SPIDR: variants seen among roughly 807,000 people sequenced by gnomAD.
The protein encoded by SPIDR is scaffold protein involved in DNA repair.
A neutral mutation model predicts 104.6 loss-of-function variants in SPIDR; 93 were observed. The observed-to-expected ratio is 0.89, with a 90% confidence interval of 0.75 to 1.06. SPIDR has a LOEUF of 1.06. Among genes scored for constraint, SPIDR ranks in the 50% least tolerant of loss-of-function variants. The probability of loss-of-function intolerance (pLI) is 0.00; values close to 1 mark genes in which losing one functional copy is unlikely to be tolerated. For missense variants in SPIDR, 1,154 were observed against 1,111.2 expected, an observed-to-expected ratio of 1.04 and a Z score of -0.55; for synonymous variants, 431 against 416.9, an observed-to-expected ratio of 1.03 and a Z score of -0.41.
chr8:47,583,941 T>C (rs1168809995), intron 8 of SPIDR, among the ~76,000 whole-genome samples: 1 of 152,228 alleles, frequency 6.6e-6, no homozygotes, highest in Non-Finnish European at 1.5e-5. Context: ...CTTAGCAGCC[T>C]TGTTGTCCTG....
At chr8:47,591,221 T>G (rs550158046) in intron 8 of SPIDR, among the ~76,000 whole-genome samples, 113 of 151,322 alleles carry the variant, frequency 7.5e-4, no homozygotes, top group South Asian at 3.7e-3. Flanking sequence ...TGTTTTATTT[T>G]TCCTGGTTTC....
chr8:47,404,498 T>G (rs1193502008), intron 6 of SPIDR, among the ~76,000 whole-genome samples: 1 of 151,994 alleles, frequency 6.6e-6, no homozygotes, highest in Admixed American at 6.6e-5. Flanking sequence ...TTAAACAAAT[T>G]TACAAGAAAG....
chr8:47,671,129 C>T (rs1589043855), intron 10 of SPIDR, among the ~76,000 whole-genome samples: 1 of 152,076 alleles, frequency 6.6e-6, no homozygotes. Context: ...AGGCTAATCT[C>T]GAACTCCTAG....
At chr8:47,641,467 C>A (rs1039049451) in intron 10 of SPIDR, among the ~76,000 whole-genome samples, 3 of 152,136 alleles carry the variant, frequency 2.0e-5, no homozygotes, top group Non-Finnish European at 2.9e-5. Flanking sequence ...AGATTCAATT[C>A]GATGCATTTA....
At chr8:47,295,187 ACTTT>A (rs1206971594) in intron 5 of SPIDR, among the ~76,000 whole-genome samples, 6 of 152,134 alleles carry the variant, frequency 3.9e-5, no homozygotes, top group African/African-American at 1.4e-4. Context: ...AACATGACAT[ACTTT>A]CTTCTATATT....
intron 11 of SPIDR, among the ~76,000 whole-genome samples, chr8:47,684,943 C>T (rs1039313195): frequency 1.6e-4 from 24 of 152,096 alleles, no homozygotes; most frequent in African/African-American, 4.3e-4. Context: ...CCAAATGGGC[C>T]GGGCGCCCAT....
intron 8 of SPIDR, among the ~76,000 whole-genome samples, chr8:47,567,770 TTTTC>T (rs1207636996): frequency 7.0e-6 from 1 of 142,882 alleles, no homozygotes; most frequent in Non-Finnish European, 1.5e-5. Flanking sequence ...TTTTCTTTTC[TTTTC>T]TTTTTCTTTT....
At position 47,673,910 on chromosome 8, in the gene SPIDR, A is replaced by G. The variant is rs2076099777; in HGVS notation, c.1654A>G (p.Met552Val). Residue 552 changes from methionine to valine, a missense_variant, in exon 11 of 20, where the codon ATG (methionine) becomes GTG (valine). Coordinates refer to ENST00000297423, the MANE Select transcript of SPIDR (RefSeq NM_001080394.4). ...AGGGAAGTCTTGCAGCCTGGTGGGA[A>G]TGAAGGTTCTACAGAAAGTCACCAG... ...LEGKSCSLVG[M>V]KVLQKVTRGR... 6.2e-7 allele frequency: 1 copy of G among 1,613,970 alleles called. No homozygotes were observed. The highest frequency in any genetic ancestry group is 1.3e-5 in the African/African-American group (1 of 74,932).
intron 10 of SPIDR, 157 bp from the exon 11 acceptor site, chr8:47,673,644 T>G (rs1433913432): frequency 1.0e-6 from 1 of 985,994 alleles, no homozygotes; most frequent in African/African-American, 1.6e-5. Flanking sequence ...GTGGATTTCT[T>G]TTTTTTTTCC....
chr8:47,681,461 A>C (rs933240655), intron 11 of SPIDR, among the ~76,000 whole-genome samples: 8 of 152,176 alleles, frequency 5.3e-5, no homozygotes, highest in African/African-American at 1.4e-4. Context: ...TAGGAAGATG[A>C]AGTCTGTTTT....
At chr8:47,347,826 T>G (rs2154279292) in intron 5 of SPIDR, among the ~76,000 whole-genome samples, 1 of 152,340 alleles carries the variant, frequency 6.6e-6, no homozygotes, top group East Asian at 1.9e-4. Flanking sequence ...GTTCCTTTGT[T>G]TTGAGCCTAT....
chr8:47,555,793 C>G (rs2091254403), intron 8 of SPIDR, among the ~76,000 whole-genome samples: 1 of 152,164 alleles, frequency 6.6e-6, no homozygotes, highest in South Asian at 2.1e-4. Flanking sequence ...AATGTGAGTT[C>G]TTACTCCATC....
intron 1 of SPIDR, among the ~76,000 whole-genome samples, chr8:47,273,580 T>C (rs1185238438): frequency 3.5e-5 from 5 of 143,340 alleles, no homozygotes; most frequent in Admixed American, 2.8e-4. Flanking sequence ...TAAAGAGTTG[T>C]TTTTTTTTTT....
chr8:47,426,969 TAGAAG>T (rs549887791), intron 7 of SPIDR, among the ~76,000 whole-genome samples: 1 of 152,284 alleles, frequency 6.6e-6, no homozygotes, highest in African/African-American at 2.4e-5. Context: ...TTTGAAGAAT[TAGAAG>T]AGAGAAAGAA....
At chr8:47,358,838 A>G (rs1395859455) in intron 5 of SPIDR, among the ~76,000 whole-genome samples, 5 of 152,196 alleles carry the variant, frequency 3.3e-5, no homozygotes, top group Non-Finnish European at 5.9e-5. Flanking sequence ...CGTAGGATAC[A>G]TATATACAGA....
At position 47,299,403 on chromosome 8, in the gene SPIDR, C is replaced by A. The variant is rs1478683919; in HGVS notation, c.525+5373C>A. Among the ~76,000 whole-genome samples the A allele has an allele frequency of 1.8e-4, 28 of 152,154 alleles. 1 individual carries two copies. The highest frequency in any genetic ancestry group is 6.3e-4 in the African/African-American group (26 of 41,440). On this transcript the variant is annotated intron_variant, in intron 5 of 19. Transcript: ENST00000297423. ...CAATCATGTCATCTGCAAACAGGGACAATTTGACTTCCTCTTTTCCTAATT... is the reference window on the plus strand; with the variant it reads ...CAATCATGTCATCTGCAAACAGGGAAAATTTGACTTCCTCTTTTCCTAATT...
chr8:47,582,827 T>TACACACACACAC (rs72295566), intron 8 of SPIDR, among the ~76,000 whole-genome samples: 2 of 130,268 alleles, frequency 1.5e-5, no homozygotes, highest in South Asian at 2.7e-4. Flanking sequence ...AACAACAAAT[T>TACACACACACAC]ACACACACAC....
chr8:47,507,758 G>A (rs1201341674), intron 8 of SPIDR, among the ~76,000 whole-genome samples: 2 of 152,188 alleles, frequency 1.3e-5, no homozygotes, highest in Non-Finnish European at 2.9e-5. Context: ...TAACTAACAT[G>A]AAATGTCAGC....
rs556520473 is a variant in SPIDR at position 47,736,078 on chromosome 8, G to A, written c.*628G>A. The A allele has an allele frequency of 1.9e-5, 3 of 157,128 alleles. No homozygotes were observed. The highest frequency in any genetic ancestry group is 7.2e-5 in the African/African-American group (3 of 41,560). The allele number at this position is 157,128 out of a possible 1,614,324, so 9.7% of individuals were successfully genotyped here. On this transcript the variant is annotated 3_prime_UTR_variant, in exon 20 of 20. Transcript: ENST00000297423. Reference sequence around the variant, plus strand: ...ACACACACCTGTTTTAATTAGGCTGGGTAATGTGCACGGAGAGCAAAGATC... The same window carrying A: ...ACACACACCTGTTTTAATTAGGCTGAGTAATGTGCACGGAGAGCAAAGATC...
Sources: gnomAD v4.1 joint callset for allele counts (sites outside exome capture counted in the v4.1 genomes callset) on GRCh38, gnomAD v4.1.1 for gene constraint, MANE v1.5 for transcripts, NCBI Gene and HGNC (gene_info 2026-07-23, HGNC 2026-07-21) for gene names.